Variants in PNPLA7 observed in about 807,000 individuals in gnomAD.
PNPLA7 encodes patatin-like phospholipase domain-containing protein 7.
A neutral mutation model predicts 161.7 loss-of-function variants in PNPLA7; 153 were observed. The ratio of observed to expected loss-of-function variants is 0.95; its 90% confidence interval spans 0.83 to 1.08. The LOEUF is 1.08. Ranked by LOEUF, PNPLA7 falls within the 50% of genes least tolerant of loss-of-function variation. The pLI is 0.00. For missense variants in PNPLA7, 1,739 were observed against 1,856.6 expected, an observed-to-expected ratio of 0.94 and a Z score of 1.16; for synonymous variants, 809 against 782.1, an observed-to-expected ratio of 1.03 and a Z score of -0.57.
At chr9:137,532,793 G>A (rs1308121564) in intron 8 of PNPLA7, among the ~76,000 whole-genome samples, 4 of 152,160 alleles carry the variant, frequency 2.6e-5, no homozygotes, top group Non-Finnish European at 5.9e-5. Context: ...GCTTTTCCCC[G>A]TGGCCAGAGG....
chr9:137,525,067 GT>G (rs1384416378), intron 8 of PNPLA7, among the ~76,000 whole-genome samples: 2 of 152,212 alleles, frequency 1.3e-5, no homozygotes, highest in Non-Finnish European at 2.9e-5. Context: ...CAACCCAGAA[GT>G]TTCAGGAGGG....
chr9:137,526,520 A>G (rs1022068619), intron 8 of PNPLA7, among the ~76,000 whole-genome samples: 1 of 151,170 alleles, frequency 6.6e-6, no homozygotes, highest in Non-Finnish European at 1.5e-5. Flanking sequence ...CTCATGATCC[A>G]CCCGCCTCAG....
At position 137,484,694 on chromosome 9, in the gene PNPLA7, A is replaced by G. The variant is rs2132167576; in HGVS notation, c.2240T>C (p.Leu747Ser). ...GGACAGGTTGACAGCCGGGTTCCCC[A>G]AGTCCCACTTGCTGCCCTCCGTGGG... ...GLPTEGSKWD[L>S]GNPAVNLSTV... The change falls in exon 21 of 35, where the codon TTG becomes TCG. Residue 747 changes from leucine (L) to serine (S), a missense_variant. Physicochemically the swap from Leu to Ser is moderately radical, Grantham distance 145. This residue lies in a region of PNPLA7 where 192 missense variants were observed against 249.5 expected (regional missense o/e 0.77). Transcript: ENST00000406427. 1 of 1,612,306 alleles carries G rather than the reference A, an allele frequency of 6.2e-7. No individual in the cohort carries two copies. Among genetic ancestry groups the G allele is most frequent in the Non-Finnish European group, 8.5e-7 (1 of 1,179,286 alleles).
chr9:137,461,704 C>T (rs1831205608), intron 32 of PNPLA7, 84 bp from the exon 33 acceptor site: 1 of 1,391,358 alleles, frequency 7.2e-7, no homozygotes, highest in Non-Finnish European at 9.8e-7. Flanking sequence ...AGGCCCCACC[C>T]ACCCTGCGCC....
At chr9:137,509,589 A>G (rs1450391765) in intron 12 of PNPLA7, 2 of 346,566 alleles carry the variant, frequency 5.8e-6, no homozygotes, top group Middle Eastern at 3.7e-4. Flanking sequence ...GAGTGAGTTT[A>G]GCTGGTACAA....
At chr9:137,501,297 C>T (rs1227686453) in intron 15 of PNPLA7, among the ~76,000 whole-genome samples, 2 of 152,228 alleles carry the variant, frequency 1.3e-5, no homozygotes, top group Non-Finnish European at 2.9e-5. Flanking sequence ...CCGGCACACG[C>T]CACGCGTTTT....
At chr9:137,479,561 G>A in intron 23 of PNPLA7, 1 of 1,071,024 alleles carries the variant, frequency 9.3e-7, no homozygotes, top group South Asian at 4.4e-5. Context: ...TCACAAGGGA[G>A]CATCACTAGC....
chr9:137,479,656 A>G (rs150124333), intron 23 of PNPLA7: 12,700 of 985,438 alleles, frequency 0.013, 93 homozygotes, highest in Non-Finnish European at 0.014. Flanking sequence ...AGAACAGAGC[A>G]GGGAGCAGAG....
intron 14 of PNPLA7, among the ~76,000 whole-genome samples, chr9:137,502,746 T>G (rs1481339918): frequency 3.8e-4 from 7 of 18,232 alleles, no homozygotes; most frequent in African/African-American, 1.1e-3. Context: ...ACGAGAGGGA[T>G]GTGGGAGCCG....
intron 11 of PNPLA7, among the ~76,000 whole-genome samples, chr9:137,518,547 C>T (rs1420786506): frequency 2.8e-5 from 2 of 71,276 alleles, no homozygotes; most frequent in East Asian, 4.9e-4. Flanking sequence ...ACTCCATCCC[C>T]CACTCACTCG....
intron 20 of PNPLA7, chr9:137,492,028 G>T: frequency 1.0e-6 from 1 of 985,414 alleles, no homozygotes; most frequent in Non-Finnish European, 1.2e-6. Context: ...GCAGGAGAGA[G>T]GAGCTCCCAG....
At chr9:137,495,486 C>T (rs1833004910) in intron 18 of PNPLA7, among the ~76,000 whole-genome samples, 1 of 152,066 alleles carries the variant, frequency 6.6e-6, no homozygotes. Context: ...TTCTGTCACC[C>T]AGGCTGGAGT....
intron 1 of PNPLA7, among the ~76,000 whole-genome samples, chr9:137,549,079 C>T (rs1199350555): frequency 5.9e-5 from 9 of 152,258 alleles, no homozygotes; most frequent in South Asian, 4.1e-4. Flanking sequence ...GGCTCTCCTG[C>T]GGTGGAGCGG....
chr9:137,462,130 A>C (rs1831238755), intron 31 of PNPLA7, 49 bp downstream of exon 31: 1 of 1,528,458 alleles, frequency 6.5e-7, no homozygotes, highest in Non-Finnish European at 8.8e-7. Context: ...AGGGGCAGCC[A>C]CCAGAGTGCC....
chr9:137,487,387 G>T (rs1832540950), intron 20 of PNPLA7, among the ~76,000 whole-genome samples: 1 of 152,270 alleles, frequency 6.6e-6, no homozygotes, highest in African/African-American at 2.4e-5. Context: ...GGCTGGCCAA[G>T]TGTCGCCGTG....
At chr9:137,461,660 C>A in intron 32 of PNPLA7, 40 bp from the exon 33 acceptor site, 2 of 1,539,534 alleles carry the variant, frequency 1.3e-6, no homozygotes, top group East Asian at 2.3e-5. Flanking sequence ...CTGTGGACAC[C>A]CGCCTGCCAG....
intron 12 of PNPLA7, among the ~76,000 whole-genome samples, chr9:137,506,673 C>T (rs1054233423): frequency 7.2e-5 from 11 of 152,186 alleles, no homozygotes; most frequent in African/African-American, 9.7e-5. Context: ...TGCTTTTGGG[C>T]GGCCTCGGGC....
chr9:137,542,816 G>C lies in PNPLA7; in HGVS notation c.507-15C>G, dbSNP rs778966822. 6.9e-6 allele frequency: 11 copies of C among 1,601,932 alleles called. No individual in the cohort carries two copies. The highest frequency in any genetic ancestry group is 1.3e-5 in the African/African-American group (1 of 74,698). ...GGCCCAGGACCCTGCAAGAGCCAGA[G>C]GGCACTGTGGGACGCCCTTCCAGGG... On this transcript the variant is annotated splice_polypyrimidine_tract_variant and intron_variant, in intron 6 of 34. Coordinates refer to ENST00000406427, the MANE Select transcript of PNPLA7 (RefSeq NM_001098537.3).
chr9:137,464,502 G>A (rs768806296), intron 26 of PNPLA7, 46 bp from the exon 27 acceptor site: 18 of 1,550,042 alleles, frequency 1.2e-5, no homozygotes, highest in Admixed American at 5.0e-5. Context: ...CCCTCCCTGC[G>A]GGCTGCCACA....
Sources: gnomAD v4.1 joint callset for allele counts (sites outside exome capture counted in the v4.1 genomes callset) on GRCh38, gnomAD v4.1.1 for gene constraint, gnomAD v4.1.1 regional missense constraint, MANE v1.5 for transcripts, NCBI Gene and HGNC (gene_info 2026-07-23, HGNC 2026-07-21) for gene names.